Variants in ADCY2 observed in about 807,000 individuals in gnomAD.
The protein encoded by ADCY2 is adenylate cyclase type 2.
A neutral mutation model predicts 125.2 loss-of-function variants in ADCY2; 31 were observed. The observed-to-expected ratio is 0.25, with a 90% CI of 0.19 to 0.33. ADCY2 has a LOEUF of 0.33. Among genes scored for constraint, ADCY2 ranks in the 10% least tolerant of loss-of-function variants. The pLI is 1.00. For synonymous variants in ADCY2, 512 were observed against 548.4 expected (o/e 0.93, Z 0.93); for missense variants, 904 against 1,418.2 (o/e 0.64, Z 5.82).
At position 7,696,452 on chromosome 5, in the gene ADCY2, G is replaced by A. The variant is rs144996615; in HGVS notation, c.981+589G>A. On this transcript the variant is annotated intron_variant, in intron 6 of 24. Transcript: ENST00000338316. ...CACAGATAGGAAATGACCTGAAACC[G>A]TCTGAAACCACACTAGACCCTATTA... Among the ~76,000 whole-genome samples the A allele has an allele frequency of 5.6e-4, 85 of 152,190 alleles. No individual in the cohort carries two copies. The East Asian group carries it at 0.01, about 18-fold the overall frequency.
At chr5:7,434,678 T>C (rs1234386841) in intron 2 of ADCY2, among the ~76,000 whole-genome samples, 1 of 152,264 alleles carries the variant, frequency 6.6e-6, no homozygotes, top group African/African-American at 2.4e-5. Context: ...CATATCTACC[T>C]GCTAGTTTCT....
chr5:7,675,243 T>C (rs1419761356), intron 4 of ADCY2, among the ~76,000 whole-genome samples: 2 of 152,148 alleles, frequency 1.3e-5, no homozygotes, highest in Non-Finnish European at 2.9e-5. Flanking sequence ...ACCCAATCGT[T>C]TTAATATGAC....
At chr5:7,642,379 T>C (rs1298281461) in intron 4 of ADCY2, among the ~76,000 whole-genome samples, 1 of 152,182 alleles carries the variant, frequency 6.6e-6, no homozygotes, top group Non-Finnish European at 1.5e-5. Context: ...TATTTGTTTT[T>C]TGTTTGTTAA....
chr5:7,804,071 A>AGAGAGAGAGAGAGAGAGAGC (rs1280836195), intron 21 of ADCY2, among the ~76,000 whole-genome samples: 5 of 148,590 alleles, frequency 3.4e-5, no homozygotes, highest in African/African-American at 1.0e-4. Context: ...AGAGAGAGAG[A>AGAGAGAGAGAGAGAGAGAGC]GAGCTGGTTT....
chr5:7,449,726 A>G (rs574375963), intron 2 of ADCY2, among the ~76,000 whole-genome samples: 11 of 152,326 alleles, frequency 7.2e-5, no homozygotes, highest in African/African-American at 2.2e-4. Flanking sequence ...CTTCTCAGAT[A>G]CTGAATTTTT....
rs1353798694 is a variant in ADCY2, at chr5:7,612,664, A to G, written c.571-13503A>G. On this transcript the variant is annotated intron_variant, in intron 3 of 24. Transcript: ENST00000338316. Reference sequence around the variant, plus strand: ...AGGGAAGATGGGAGTGAAGGGTGAGAAGGAGAGTGGTTAAAACTAAGAGAT... The same window carrying G: ...AGGGAAGATGGGAGTGAAGGGTGAGGAGGAGAGTGGTTAAAACTAAGAGAT... 2.0e-5 allele frequency among the ~76,000 whole-genome samples: 3 copies of G among 152,110 alleles called. No homozygotes were observed. In the East Asian group the frequency reaches 5.8e-4, roughly 29 times the overall value.
At chr5:7,486,087 T>G (rs1742915075) in intron 2 of ADCY2, among the ~76,000 whole-genome samples, 2 of 152,160 alleles carry the variant, frequency 1.3e-5, no homozygotes, top group Non-Finnish European at 2.9e-5. Context: ...TACGAACAAA[T>G]AAGATGAGAG....
In ADCY2 at chr5:7,810,272, G is replaced by T. The variant is rs185491917; in HGVS notation, c.2883+5580G>T. Reference sequence around the variant, plus strand: ...TGATTGATGGGTTATCTACCTGATTGGTGGGTTATCTGCTTGAATGGTGGG... The same window carrying T: ...TGATTGATGGGTTATCTACCTGATTTGTGGGTTATCTGCTTGAATGGTGGG... On this transcript the variant is annotated intron_variant, in intron 22 of 24. Transcript: ENST00000338316. Among the ~76,000 whole-genome samples, 338 of 152,156 alleles carry T rather than the reference G, an allele frequency of 2.2e-3. 2 individuals are homozygous for T. Among genetic ancestry groups the T allele is most frequent in the African/African-American group, 7.9e-3 (327 of 41,496 alleles).
At chr5:7,726,807 G>C (rs1207215483) in intron 13 of ADCY2, among the ~76,000 whole-genome samples, 1 of 152,166 alleles carries the variant, frequency 6.6e-6, no homozygotes, top group African/African-American at 2.4e-5. Context: ...TCCCTCAGTA[G>C]TCATAGACAA....
chr5:7,428,428 T>G (rs1740467736), intron 2 of ADCY2, among the ~76,000 whole-genome samples: 1 of 152,242 alleles, frequency 6.6e-6, no homozygotes, highest in African/African-American at 2.4e-5. Context: ...CACTCCATGA[T>G]ATATGATTTA....
intron 1 of ADCY2, among the ~76,000 whole-genome samples, chr5:7,397,727 A>T (rs1384976521): frequency 2.0e-5 from 3 of 152,022 alleles, no homozygotes; most frequent in Non-Finnish European, 4.4e-5. Flanking sequence ...CCCCCACACC[A>T]CTCAATGGTA....
chr5:7,716,763 T>A (rs1171254541), intron 11 of ADCY2, among the ~76,000 whole-genome samples: 1 of 152,204 alleles, frequency 6.6e-6, no homozygotes, highest in Non-Finnish European at 1.5e-5. Context: ...GTTTATCTCA[T>A]GGAGGTAGAG....
rs893354146 is a variant in ADCY2 at position 7,463,621 on chromosome 5, A to T, written c.408+48851A>T. Among the ~76,000 whole-genome samples, 416 of 65,306 alleles carry T rather than the reference A, an allele frequency of 6.4e-3. 3 individuals are homozygous for T. The highest frequency in any genetic ancestry group is 0.024 in the African/African-American group (385 of 16,324). 42.8% of individuals were successfully genotyped at this position (65,306 alleles called of 152,430 possible). A position where few individuals can be genotyped will look rare whatever the true frequency, so the allele number is the denominator to read the frequency against. The stretch of plus-strand genomic sequence containing the variant: ...GCTGAGAGCACAAGGTGATAGATAA[A>T]AAAAAAAAAAAAAAAAAGAATGAGA... On this transcript the variant is annotated intron_variant, in intron 2 of 24. Transcript: ENST00000338316.
At chr5:7,823,804 G>A (rs1745377651) in intron 24 of ADCY2, among the ~76,000 whole-genome samples, 1 of 152,184 alleles carries the variant, frequency 6.6e-6, no homozygotes, top group Non-Finnish European at 1.5e-5. Flanking sequence ...CCTGGAGATC[G>A]TAAATCTCCT....
intron 4 of ADCY2, among the ~76,000 whole-genome samples, chr5:7,666,162 G>A (rs11953138): frequency 0.96 from 145,251 of 152,064 alleles, 69,606 homozygotes; most frequent in East Asian, 1. Flanking sequence ...AGGAAAAAAA[G>A]TCTTTAATCA....
rs367765124 is a variant in ADCY2 at position 7,752,190 on chromosome 5, G to A, written c.1957-5259G>A. Among the ~76,000 whole-genome samples, 600 of 152,276 alleles carry A rather than the reference G, an allele frequency of 3.9e-3. 1 individual carries two copies. The highest frequency in any genetic ancestry group is 6.7e-3 in the Non-Finnish European group (458 of 68,026). The stretch of plus-strand genomic sequence containing the variant: ...GATTGGCATAAAGAAGTCTTCCTAT[G>A]GGAAATTAAAGGACAATTAAATAAT... On this transcript the variant is annotated intron_variant, in intron 15 of 24. Coordinates refer to ENST00000338316, the MANE Select transcript of ADCY2 (RefSeq NM_020546.3).
intron 4 of ADCY2, among the ~76,000 whole-genome samples, chr5:7,655,940 G>A (rs1340614435): frequency 6.6e-6 from 1 of 152,144 alleles, no homozygotes; most frequent in East Asian, 1.9e-4. Flanking sequence ...CCACCTGTGA[G>A]CTGTGTCCTG....
rs927771529 is a variant in ADCY2 at position 7,518,878 on chromosome 5, G to T, written c.409-1860G>T. Among the ~76,000 whole-genome samples the T allele has an allele frequency of 8.5e-5, 13 of 152,290 alleles. No individual in the cohort carries two copies. In the East Asian group the frequency reaches 2.3e-3, roughly 27 times the overall value. ...TGCATGTATGACCATCTCTTCTGCT[G>T]GGCCCTGAGGCCCCTGAGAGCTGGG... On this transcript the variant is annotated intron_variant, in intron 2 of 24. Transcript: ENST00000338316.
chr5:7,664,663 T>G (rs190090645), intron 4 of ADCY2, among the ~76,000 whole-genome samples: 8 of 152,324 alleles, frequency 5.3e-5, no homozygotes, highest in African/African-American at 1.9e-4. Flanking sequence ...TTGCTATACC[T>G]TGAAATTGCC....
Sources: gnomAD v4.1 joint callset for allele counts (sites outside exome capture counted in the v4.1 genomes callset) on GRCh38, gnomAD v4.1.1 for gene constraint, MANE v1.5 for transcripts, NCBI Gene and HGNC (gene_info 2026-07-23, HGNC 2026-07-21) for gene names.